The following ABI3BP variants were observed in gnomAD, a reference collection of about 807,000 sequenced individuals.
ABI3BP encodes ABI family member 3 binding protein, also known as target of Nesh-SH3.
A neutral mutation model predicts 268.6 loss-of-function variants in ABI3BP; 216 were observed. The ratio of observed to expected loss-of-function variants is 0.80; its 90% confidence interval spans 0.72 to 0.90. ABI3BP has a LOEUF of 0.90. Ranked by LOEUF, ABI3BP falls within the 40% of genes least tolerant of loss-of-function variation. ABI3BP has a pLI of 0.00. For synonymous variants in ABI3BP, 730 were observed against 730.0 expected (o/e 1.00, Z 0.00); for missense variants, 2,090 against 2,182.4 (o/e 0.96, Z 0.84).
At chr3:100,892,551 T>C (rs939657649) in intron 4 of ABI3BP, among the ~76,000 whole-genome samples, 7 of 152,202 alleles carry the variant, frequency 4.6e-5, no homozygotes, top group African/African-American at 7.2e-5. Flanking sequence ...ACTGAAAACA[T>C]ATTCTTAGTA....
intron 59 of ABI3BP, 97 bp from the exon 60 acceptor site, chr3:100,775,432 A>C: frequency 6.7e-7 from 1 of 1,493,504 alleles, no homozygotes; most frequent in Non-Finnish European, 9.0e-7. Context: ...AGCACTGACC[A>C]TGTGGCTTGG....
intron 1 of ABI3BP, among the ~76,000 whole-genome samples, chr3:100,952,226 C>T (rs2075324561): frequency 6.6e-6 from 1 of 152,096 alleles, no homozygotes; most frequent in African/African-American, 2.4e-5. Flanking sequence ...AACATAGTGA[C>T]TATAGTTAAT....
chr3:100,770,678 C>T (rs1422872783), intron 62 of ABI3BP, 65 bp downstream of exon 62: 8 of 1,365,530 alleles, frequency 5.9e-6, no homozygotes, highest in Non-Finnish European at 7.7e-6. Context: ...CCCAGGGTAC[C>T]CCACTCCCAG....
intron 1 of ABI3BP, among the ~76,000 whole-genome samples, chr3:100,989,581 G>GC (rs2092587854): frequency 1.3e-5 from 2 of 152,156 alleles, no homozygotes; most frequent in South Asian, 4.1e-4. Context: ...AGATCCTCAT[G>GC]CCCTCTGGCC....
At chr3:100,789,623 T>A in intron 55 of ABI3BP, 107 bp from the exon 56 acceptor site, 1 of 1,065,076 alleles carries the variant, frequency 9.4e-7, no homozygotes, top group Non-Finnish European at 1.4e-6. Context: ...CATGGACGTA[T>A]AAAGAAGGTT....
intron 4 of ABI3BP, among the ~76,000 whole-genome samples, chr3:100,894,970 G>GAAAAAAAAAAAAAAAAAAAAAAAAA (rs567268534): frequency 1.7e-5 from 1 of 58,430 alleles, no homozygotes; most frequent in Non-Finnish European, 3.5e-5. Flanking sequence ...AAAAAAAACA[G>GAAAAAAAAAAAAAAAAAAAAAAAAA]AAAAAAAAAA....
At chr3:100,858,728 T>C (rs2098965065) in intron 14 of ABI3BP, among the ~76,000 whole-genome samples, 1 of 152,192 alleles carries the variant, frequency 6.6e-6, no homozygotes, top group Non-Finnish European at 1.5e-5. Context: ...TGTTCTCCTG[T>C]TGAACATCAA....
chr3:100,973,837 A>G (rs1241142734), intron 1 of ABI3BP, among the ~76,000 whole-genome samples: 3 of 152,154 alleles, frequency 2.0e-5, no homozygotes, highest in Admixed American at 6.6e-5. Flanking sequence ...ACAAGACTAA[A>G]CTTTTTTGAA....
intron 61 of ABI3BP, among the ~76,000 whole-genome samples, chr3:100,772,302 G>T (rs2096568252): frequency 6.6e-6 from 1 of 152,168 alleles, no homozygotes. Flanking sequence ...CACACAAAGT[G>T]ATGAAAAGCG....
chr3:100,878,748 G>A (rs1041912031), intron 6 of ABI3BP, among the ~76,000 whole-genome samples: 13 of 151,958 alleles, frequency 8.6e-5, no homozygotes, highest in East Asian at 1.9e-4. Context: ...ACTCACTCAC[G>A]AGCCCACCTT....
intron 2 of ABI3BP, chr3:100,914,452 GAAC>G (rs1262844304): frequency 8.8e-6 from 4 of 455,572 alleles, no homozygotes; most frequent in East Asian, 7.0e-5. Context: ...CCGTACCACA[GAAC>G]AACAATGCAA....
intron 1 of ABI3BP, among the ~76,000 whole-genome samples, chr3:100,976,592 T>G (rs1043640147): frequency 5.9e-5 from 9 of 152,176 alleles, no homozygotes; most frequent in Non-Finnish European, 1.5e-5. Flanking sequence ...GTTAGATGCA[T>G]AGAAAATGGT....
At chr3:100,924,478 A>G (rs2061225644) in intron 2 of ABI3BP, among the ~76,000 whole-genome samples, 1 of 152,208 alleles carries the variant, frequency 6.6e-6, no homozygotes, top group African/African-American at 2.4e-5. Flanking sequence ...ATACCTGGTT[A>G]TGCTTTAAAT....
intron 4 of ABI3BP, among the ~76,000 whole-genome samples, chr3:100,891,820 A>C (rs1176110412): frequency 6.6e-6 from 1 of 152,232 alleles, no homozygotes; most frequent in Non-Finnish European, 1.5e-5. Flanking sequence ...TGTGAGATGG[A>C]AGCAAGTGGT....
rs185438427 is a variant in ABI3BP at position 100,821,391 on chromosome 3, G to C, written c.2888-278C>G. 2.3e-4 allele frequency among the ~76,000 whole-genome samples: 35 copies of C among 152,210 alleles called. No individual in the cohort carries two copies. In the East Asian group the frequency reaches 5.4e-3, roughly 24 times the overall value. ...TGCTAAGAACTCATCTTTGGAAAGAGACGGAGGCCTTAGCATGATGAATTG... is the reference window on the plus strand; with the variant it reads ...TGCTAAGAACTCATCTTTGGAAAGACACGGAGGCCTTAGCATGATGAATTG... On this transcript the variant is annotated intron_variant, in intron 38 of 67. Coordinates refer to ENST00000471714, the MANE Select transcript of ABI3BP (RefSeq NM_001375547.2).
At chr3:100,881,967 T>C (rs942981800) in intron 6 of ABI3BP, among the ~76,000 whole-genome samples, 1 of 152,206 alleles carries the variant, frequency 6.6e-6, no homozygotes, top group Non-Finnish European at 1.5e-5. Flanking sequence ...CAATATATAG[T>C]GTAACCAGAA....
In ABI3BP at chr3:100,830,637, G is replaced by A. The variant is rs1333030876; in HGVS notation, c.2402-3C>T. 4 of 1,525,810 alleles carry A rather than the reference G, an allele frequency of 2.6e-6. No homozygotes were observed. The highest frequency in any genetic ancestry group is 3.5e-6 in the Non-Finnish European group (4 of 1,140,538). The allele number at this position is 1,525,810 out of a possible 1,614,324, so 94.5% of individuals were successfully genotyped here. ...TGGTTCGAGGATTGTGGCAGGAACT[G>A]ATCAAAAGTAATAAAAGAAACCAAA... On this transcript the variant is annotated splice_polypyrimidine_tract_variant and splice_region_variant and intron_variant, in intron 31 of 67. Coordinates refer to ENST00000471714, the MANE Select transcript of ABI3BP (RefSeq NM_001375547.2).
chr3:100,766,413 GA>G (rs1195322132), intron 62 of ABI3BP, among the ~76,000 whole-genome samples: 24 of 152,202 alleles, frequency 1.6e-4, no homozygotes, highest in Admixed American at 3.3e-4. Context: ...TATTGCTGCA[GA>G]AAACTTCTTT....
chr3:100,912,322 A>G (rs2057009744), intron 2 of ABI3BP: 1 of 147,854 alleles, frequency 6.8e-6, no homozygotes, highest in South Asian at 2.2e-4. Context: ...CATAAAATGT[A>G]TGCATCAATG....
Sources: allele counts gnomAD v4.1 joint callset (sites outside exome capture counted in the v4.1 genomes callset), GRCh38; gene constraint gnomAD v4.1.1; transcripts MANE v1.5; gene names NCBI Gene and HGNC (gene_info 2026-07-23, HGNC 2026-07-21).